The following RANBP2 variants were observed in gnomAD, a reference collection of about 807,000 sequenced individuals.
RANBP2 encodes E3 SUMO-protein ligase RanBP2.
Under a neutral mutation model 303.6 loss-of-function variants are expected in RANBP2, and 57 were observed. The observed-to-expected ratio is 0.19, with a 90% CI of 0.15 to 0.23. The LOEUF (loss-of-function observed/expected upper bound fraction) is 0.23. RANBP2 is among the 10% of genes least tolerant of loss of function. RANBP2 has a pLI of 1.00. For missense variants in RANBP2, 3,138 were observed against 3,780.8 expected (o/e 0.83, Z 4.46); for synonymous variants, 1,167 against 1,301.5 (o/e 0.90, Z 2.23).
chr2:109,365,785 C>T, the RANBP2 span, among the ~76,000 whole-genome samples: 4 of 152,276 alleles, frequency 2.6e-5, no homozygotes, highest in Admixed American at 6.5e-5. Flanking sequence ...TCTGTGGTCC[C>T]GGCTGTCGAC....
At chr2:109,290,680 G>A in the RANBP2 span, among the ~76,000 whole-genome samples, 1 of 152,168 alleles carries the variant, frequency 6.6e-6, no homozygotes, top group African/African-American at 2.4e-5. Context: ...TTGGGAGCAA[G>A]GATGCAGACC....
the RANBP2 span, among the ~76,000 whole-genome samples, chr2:109,259,598 T>G: frequency 6.6e-6 from 1 of 152,256 alleles, no homozygotes; most frequent in Non-Finnish European, 1.5e-5. Context: ...TTACCATGTT[T>G]GGGCGGCATG....
At chr2:108,742,641 C>T (rs1696206636) in intron 7 of RANBP2, among the ~76,000 whole-genome samples, 2 of 152,088 alleles carry the variant, frequency 1.3e-5, no homozygotes, top group Non-Finnish European at 2.9e-5. Flanking sequence ...AGACAGTTCA[C>T]ATGTTAAGTG....
the RANBP2 span, among the ~76,000 whole-genome samples, chr2:109,435,040 T>A: frequency 6.6e-6 from 1 of 152,136 alleles, no homozygotes; most frequent in Non-Finnish European, 1.5e-5. Context: ...TCAAGCCCTC[T>A]TGGTCTGTGT....
At chr2:109,298,890 A>G in the RANBP2 span, among the ~76,000 whole-genome samples, 3 of 152,222 alleles carry the variant, frequency 2.0e-5, no homozygotes, top group Non-Finnish European at 2.9e-5. Context: ...TTGAAAGGGA[A>G]GGCAGATCAT....
chr2:109,456,018 G>A, the RANBP2 span, among the ~76,000 whole-genome samples: 3 of 152,188 alleles, frequency 2.0e-5, no homozygotes, highest in African/African-American at 4.8e-5. Context: ...GCCTGCTCAC[G>A]GAGCCCCTTG....
chr2:109,202,617 A>G, the RANBP2 span, among the ~76,000 whole-genome samples: 1 of 152,142 alleles, frequency 6.6e-6, no homozygotes, highest in Non-Finnish European at 1.5e-5. Context: ...ATAGAGGGTG[A>G]GGCGTCAGCC....
the RANBP2 span, among the ~76,000 whole-genome samples, chr2:109,230,262 G>A: frequency 6.6e-6 from 1 of 152,112 alleles, no homozygotes; most frequent in Non-Finnish European, 1.5e-5. Flanking sequence ...TGGTGCAAAA[G>A]CCATATACTT....
At chr2:108,804,451 G>A in the RANBP2 span, among the ~76,000 whole-genome samples, 40 of 152,048 alleles carry the variant, frequency 2.6e-4, no homozygotes, top group Non-Finnish European at 7.4e-5. Flanking sequence ...AAATTAGTTG[G>A]TTTTATGAAA....
chr2:109,174,804 G>A, the RANBP2 span, among the ~76,000 whole-genome samples: 1 of 152,200 alleles, frequency 6.6e-6, no homozygotes, highest in Non-Finnish European at 1.5e-5. Flanking sequence ...ACCCATGAGG[G>A]CAGGGGCTTA....
the RANBP2 span, among the ~76,000 whole-genome samples, chr2:109,507,436 G>T: frequency 2.0e-5 from 3 of 152,210 alleles, no homozygotes; most frequent in African/African-American, 4.8e-5. Flanking sequence ...AACATCTGGG[G>T]CCTGTGAGCT....
the RANBP2 span, among the ~76,000 whole-genome samples, chr2:109,711,058 A>G: frequency 6.6e-6 from 1 of 151,742 alleles, no homozygotes; most frequent in African/African-American, 2.4e-5. Flanking sequence ...TAAGCTGGTG[A>G]CACATTTGCG....
the RANBP2 span, among the ~76,000 whole-genome samples, chr2:109,034,560 G>T: frequency 0.046 from 7,025 of 152,292 alleles, 271 homozygotes; most frequent in African/African-American, 0.098. Flanking sequence ...GGCAAAAGCT[G>T]GTTCTGGAGC....
the RANBP2 span, among the ~76,000 whole-genome samples, chr2:109,719,006 C>T: frequency 1.9e-4 from 5 of 26,278 alleles, no homozygotes; most frequent in Non-Finnish European, 3.6e-4. Flanking sequence ...GAGACTCCAT[C>T]TAAAAAAAAA....
chr2:108,809,148 G>T, the RANBP2 span, among the ~76,000 whole-genome samples: 1 of 152,194 alleles, frequency 6.6e-6, no homozygotes, highest in African/African-American at 2.4e-5. Context: ...TTATTTCTGA[G>T]TTCTCTATGC....
the RANBP2 span, among the ~76,000 whole-genome samples, chr2:109,044,275 C>T: frequency 1.3e-5 from 2 of 152,060 alleles, no homozygotes; most frequent in African/African-American, 4.8e-5. Flanking sequence ...AATCCCAGCA[C>T]TTTGGGAGGC....
the RANBP2 span, among the ~76,000 whole-genome samples, chr2:109,355,764 G>A: frequency 7.2e-5 from 11 of 152,296 alleles, no homozygotes; most frequent in South Asian, 2.1e-4. Flanking sequence ...CATGCCATGC[G>A]GATCAGTCTT....
chr2:108,860,808 T>C, the RANBP2 span, among the ~76,000 whole-genome samples: 5 of 152,126 alleles, frequency 3.3e-5, no homozygotes, highest in East Asian at 3.9e-4. Context: ...AGTATGATAC[T>C]GGGTTTTGGA....
the RANBP2 span, among the ~76,000 whole-genome samples, chr2:108,979,467 T>TCTCTCTCA: frequency 1.6e-4 from 23 of 147,222 alleles, no homozygotes; most frequent in South Asian, 1.5e-3. Context: ...TCTCTCTCTC[T>TCTCTCTCA]CACACACACA....
Sources: allele counts gnomAD v4.1 joint callset (sites outside exome capture counted in the v4.1 genomes callset), GRCh38; gene constraint gnomAD v4.1.1; transcripts MANE v1.5; gene names NCBI Gene and HGNC (gene_info 2026-07-23, HGNC 2026-07-21).